MICAL3: variants seen among roughly 807,000 people sequenced by gnomAD.
MICAL3 encodes the protein [F-actin]-monooxygenase MICAL3.
In MICAL3, 62 loss-of-function variants were observed where a neutral mutation model predicts 207.4. That is an observed-to-expected ratio of 0.30 (90% CI 0.24 to 0.37). MICAL3 has a LOEUF of 0.37. Among genes scored for constraint, MICAL3 ranks in the 10% least tolerant of loss-of-function variants. The pLI is 1.00. For missense variants in MICAL3, 2,368 were observed against 2,635.6 expected, an observed-to-expected ratio of 0.90 and a Z score of 2.22; for synonymous variants, 1,077 against 1,069.3, an observed-to-expected ratio of 1.01 and a Z score of -0.14.
At position 17,788,360 on chromosome 22, in the gene MICAL3, A is replaced by C. The variant is rs1300734082; in HGVS notation, c.*2372T>G. 1 of 152,280 alleles carries C rather than the reference A, an allele frequency of 6.6e-6. No individual in the cohort carries two copies. Among genetic ancestry groups the C allele is most frequent in the Non-Finnish European group, 1.5e-5 (1 of 68,060 alleles). The allele number at this position is 152,280 out of a possible 1,614,324, so 9.4% of individuals were successfully genotyped here. A position where few individuals can be genotyped will look rare whatever the true frequency, so the allele number is the denominator to read the frequency against. On this transcript the variant is annotated 3_prime_UTR_variant, in exon 32 of 32. Coordinates refer to ENST00000441493, the MANE Select transcript of MICAL3 (RefSeq NM_015241.3). ...AGTGTTAAGGCTGACCAGGACCAGA[A>C]GGTGACACTGGGCTCTCCTGCTACG... is the stretch of plus-strand genomic sequence containing the variant.
chr22:17,826,981 A>G (rs945299999), intron 22 of MICAL3, among the ~76,000 whole-genome samples: 2 of 152,270 alleles, frequency 1.3e-5, no homozygotes, highest in Non-Finnish European at 2.9e-5. Flanking sequence ...GTGCACGCAC[A>G]GAAGTGACAG....
chr22:18,023,866 G>C (rs191781768), intron 1 of MICAL3, among the ~76,000 whole-genome samples: 185 of 152,374 alleles, frequency 1.2e-3, no homozygotes, highest in African/African-American at 4.2e-3. Flanking sequence ...TAGCCAGAGC[G>C]GACCCGGCTT....
chr22:17,789,128 CTCGCCCTTT>C lies in MICAL3; in HGVS notation c.*1595_*1603del. The C allele has an allele frequency of 6.6e-6, 1 of 152,332 alleles. No individual in the cohort carries two copies. The highest frequency in any genetic ancestry group is 1.5e-5 in the Non-Finnish European group (1 of 68,100). 9.4% of individuals were successfully genotyped at this position (152,332 alleles called of 1,614,324 possible). A position where few individuals can be genotyped will look rare whatever the true frequency, so the allele number is the denominator to read the frequency against. ...GGCTATAGGAGCTAGTGATTCGGGG[CTCGCCCTTT>C]ATGTCCCCATGAAGATCCGGCACAA... is the stretch of plus-strand genomic sequence containing the variant. On this transcript the variant is annotated 3_prime_UTR_variant, in exon 32 of 32. Transcript: ENST00000441493.
intron 1 of MICAL3, among the ~76,000 whole-genome samples, chr22:17,936,725 A>T (rs1197272776): frequency 1.3e-5 from 2 of 152,206 alleles, no homozygotes; most frequent in African/African-American, 2.4e-5. Flanking sequence ...TACCTCAATT[A>T]AAAAATTCTC....
chr22:17,792,727 G>A (rs1264184191), intron 29 of MICAL3, among the ~76,000 whole-genome samples: 6 of 152,172 alleles, frequency 3.9e-5, no homozygotes, highest in Admixed American at 6.5e-5. Context: ...GTGCACATGC[G>A]GTTCTGCTCC....
intron 29 of MICAL3, among the ~76,000 whole-genome samples, chr22:17,795,918 G>C (rs1410021057): frequency 6.7e-6 from 1 of 150,008 alleles, no homozygotes; most frequent in Non-Finnish European, 1.5e-5. Context: ...GGGGTTTATA[G>C]TAAATGCTTT....
chr22:17,906,538 G>A lies in MICAL3; in HGVS notation c.264+11C>T. ...TCAGTGACCCCAGGGCCCAACAGGA[G>A]CAAAGCTTACCTTGGTGTTAGTGCA... On this transcript the variant is annotated intron_variant, in intron 2 of 31. Coordinates refer to ENST00000441493, the MANE Select transcript of MICAL3 (RefSeq NM_015241.3). The A allele has an allele frequency of 2.5e-6, 4 of 1,612,252 alleles. No individual in the cohort carries two copies. In the South Asian group the frequency reaches 3.3e-5, roughly 13 times the overall value.
intron 19 of MICAL3, among the ~76,000 whole-genome samples, chr22:17,849,644 A>G (rs10427597): frequency 0.057 from 4,516 of 79,490 alleles, 295 homozygotes; most frequent in African/African-American, 0.12. Flanking sequence ...CCAGAATGGA[A>G]TGTGTGTGTG....
At chr22:18,011,652 C>T (rs1468968341) in intron 1 of MICAL3, among the ~76,000 whole-genome samples, 1 of 151,610 alleles carries the variant, frequency 6.6e-6, no homozygotes, top group African/African-American at 2.4e-5. Flanking sequence ...AGGCAGATCA[C>T]GAGGTCAGGA....
intron 1 of MICAL3, among the ~76,000 whole-genome samples, chr22:17,999,875 G>A (rs1327402303): frequency 6.6e-6 from 1 of 152,150 alleles, no homozygotes; most frequent in Admixed American, 6.5e-5. Flanking sequence ...TCTAAACCTG[G>A]AGCACAAGAA....
rs116330548 is a variant in MICAL3 at position 17,831,829 on chromosome 22, T to C, written c.3055+25A>G. 4.0e-3 allele frequency: 6,192 copies of C among 1,545,930 alleles called. 197 individuals are homozygous for C. In the African/African-American group the frequency reaches 0.073, roughly 18 times the overall value. On this transcript the variant is annotated intron_variant, in intron 21 of 31. Coordinates refer to ENST00000441493, the MANE Select transcript of MICAL3 (RefSeq NM_015241.3). ...GATCACTTTGGGGGGCAGGGCAGAG[T>C]TCGGAGCAGAGATTTTGTTCTGACC...
intron 29 of MICAL3, 67 bp from the exon 30 acceptor site, chr22:17,791,368 CG>C (rs2061822935): frequency 2.2e-6 from 3 of 1,359,366 alleles, no homozygotes; most frequent in Non-Finnish European, 3.1e-6. Context: ...AGGAATCACA[CG>C]GGGCAAATGT....
intron 25 of MICAL3, among the ~76,000 whole-genome samples, chr22:17,820,936 ATTTATG>A (rs1218278351): frequency 1.4e-5 from 2 of 141,984 alleles, no homozygotes; most frequent in Non-Finnish European, 3.0e-5. Context: ...ATTTTAATAA[ATTTATG>A]TTTATAAACA....
At chr22:17,877,340 T>G (rs199954587) in intron 16 of MICAL3, among the ~76,000 whole-genome samples, 13 of 75,118 alleles carry the variant, frequency 1.7e-4, no homozygotes, top group African/African-American at 2.7e-4. Context: ...TTATGGAGGT[T>G]AGGGAGGTTA....
intron 1 of MICAL3, among the ~76,000 whole-genome samples, chr22:17,937,950 G>A (rs1415905458): frequency 2.6e-5 from 4 of 152,232 alleles, no homozygotes; most frequent in African/African-American, 7.2e-5. Context: ...TTCAAGGTCA[G>A]ATGTCAAGCT....
At chr22:17,838,923 A>G (rs868789007) in intron 20 of MICAL3, among the ~76,000 whole-genome samples, 1 of 151,306 alleles carries the variant, frequency 6.6e-6, no homozygotes, top group South Asian at 2.1e-4. Flanking sequence ...CCAGGGAAGT[A>G]AGACAACATT....
rs771420056 is a variant in MICAL3 at position 17,818,084 on chromosome 22, A to G, written c.4577T>C (p.Val1526Ala). The G allele has an allele frequency of 6.2e-7, 1 of 1,612,844 alleles. No individual in the cohort carries two copies. The highest frequency in any genetic ancestry group is 8.5e-7 in the Non-Finnish European group (1 of 1,179,724). Reference sequence around the variant, plus strand: ...AGTCTTGTCGTCATAGGTGTCCTCCACATCATCAGCAAAGGGAATCTCCTC... The same window carrying G: ...AGTCTTGTCGTCATAGGTGTCCTCCGCATCATCAGCAAAGGGAATCTCCTC... The part of the protein sequence containing the change: ...SVEEIPFADD[V>A]EDTYDDKTED... The change falls in exon 26 of 32, where the codon GTG becomes GCG. Residue 1526 changes from valine (V) to alanine (A), a missense_variant. Coordinates refer to ENST00000441493, the MANE Select transcript of MICAL3 (RefSeq NM_015241.3).
chr22:17,994,013 C>A (rs4819653), intron 1 of MICAL3, among the ~76,000 whole-genome samples: 15,528 of 152,176 alleles, frequency 0.1, 869 homozygotes, highest in Non-Finnish European at 0.13. Flanking sequence ...AACAGCACCC[C>A]GTCTGTCCGC....
chr22:17,953,270 A>T (rs1934437818), intron 1 of MICAL3, among the ~76,000 whole-genome samples: 1 of 152,116 alleles, frequency 6.6e-6, no homozygotes, highest in South Asian at 2.1e-4. Flanking sequence ...AAATTACCCC[A>T]CTAAAATAAA....
Sources: gnomAD v4.1 joint callset for allele counts (sites outside exome capture counted in the v4.1 genomes callset) on GRCh38, gnomAD v4.1.1 for gene constraint, MANE v1.5 for transcripts, NCBI Gene and HGNC (gene_info 2026-07-23, HGNC 2026-07-21) for gene names.